Variants in KIF6 observed in about 807,000 individuals in gnomAD.
KIF6 encodes the protein kinesin family member 6, also known as kinesin-like protein KIF6.
KIF6 carries 106 observed loss-of-function variants against 112.7 expected under a neutral mutation model. The observed-to-expected ratio is 0.94, with a 90% confidence interval of 0.80 to 1.11. The LOEUF (loss-of-function observed/expected upper bound fraction) is 1.11. KIF6 is among the 50% of genes least tolerant of loss of function. The probability of loss-of-function intolerance (pLI) is 0.00; values close to 1 mark genes in which losing one functional copy is unlikely to be tolerated. For synonymous variants in KIF6, 339 were observed against 339.9 expected (o/e 1.00, Z 0.03); for missense variants, 929 against 964.0 (o/e 0.96, Z 0.48).
Position 39,433,902 on chromosome 6 carries a change from C to T in KIF6, c.1646-2741G>A, listed in dbSNP as rs150233438. On this transcript the variant is annotated intron_variant, in intron 13 of 22. Coordinates refer to ENST00000287152, the MANE Select transcript of KIF6 (RefSeq NM_145027.6). Reference sequence around the variant, plus strand: ...CTGCTTGTTCAGAGCTCATGCGCAGCTCCTTTGGATTGCACTAATATACCA... The same window carrying T: ...CTGCTTGTTCAGAGCTCATGCGCAGTTCCTTTGGATTGCACTAATATACCA... 7.6e-3 allele frequency among the ~76,000 whole-genome samples: 1,152 copies of T among 152,266 alleles called. 10 individuals are homozygous for T. The highest frequency in any genetic ancestry group is 0.027 in the Middle Eastern group (8 of 294).
intron 13 of KIF6, among the ~76,000 whole-genome samples, chr6:39,531,468 A>G (rs1426202683): frequency 6.6e-6 from 1 of 152,158 alleles, no homozygotes; most frequent in Non-Finnish European, 1.5e-5. Context: ...CTGGGCAGTG[A>G]TATCTGAGGC....
At chr6:39,611,239 T>C (rs1004718663) in intron 6 of KIF6, among the ~76,000 whole-genome samples, 2 of 151,964 alleles carry the variant, frequency 1.3e-5, no homozygotes, top group African/African-American at 4.8e-5. Flanking sequence ...ACCCGGGAGA[T>C]GGAGGTTTCA....
Position 39,648,027 on chromosome 6 carries a change from C to CTT in KIF6, c.252-8272_252-8271dup, listed in dbSNP as rs780247547. Among the ~76,000 whole-genome samples, 106 of 113,492 alleles carry CTT rather than the reference C, an allele frequency of 9.3e-4. 1 individual carries two copies. The highest frequency in any genetic ancestry group is 3.2e-3 in the African/African-American group (99 of 30,736). 74.5% of individuals were successfully genotyped at this position (113,492 alleles called of 152,430 possible). A position where few individuals can be genotyped will look rare whatever the true frequency, so the allele number is the denominator to read the frequency against. On this transcript the variant is annotated intron_variant, in intron 3 of 22. Coordinates refer to ENST00000287152, the MANE Select transcript of KIF6 (RefSeq NM_145027.6). ...AGCCCAGCTAATGTTTTTTAACTTTCTTTTTTTTTTTTTTGAGACAGAGTC... is the reference window on the plus strand; with the variant it reads ...AGCCCAGCTAATGTTTTTTAACTTTCTTTTTTTTTTTTTTTTGAGACAGAGTC...
intron 10 of KIF6, among the ~76,000 whole-genome samples, chr6:39,553,345 C>T (rs543896689): frequency 1.3e-5 from 2 of 152,276 alleles, no homozygotes; most frequent in Admixed American, 1.3e-4. Flanking sequence ...ATTTCCTTCA[C>T]CTCAACAAAA....
chr6:39,706,287 T>G (rs758177282), intron 3 of KIF6, among the ~76,000 whole-genome samples: 4 of 152,192 alleles, frequency 2.6e-5, no homozygotes, highest in Admixed American at 6.5e-5. Flanking sequence ...AAACCGAGAT[T>G]TAGGCTCACT....
intron 13 of KIF6, among the ~76,000 whole-genome samples, chr6:39,497,842 G>C (rs1350295125): frequency 6.6e-6 from 1 of 152,100 alleles, no homozygotes; most frequent in African/African-American, 2.4e-5. Flanking sequence ...TCATGTTTCT[G>C]TAAGTGAACA....
chr6:39,425,348 C>A (rs1391654734), intron 14 of KIF6, among the ~76,000 whole-genome samples: 1 of 152,150 alleles, frequency 6.6e-6, no homozygotes, highest in African/African-American at 2.4e-5. Flanking sequence ...GAAGACTGGG[C>A]CTATATTTTG....
intron 6 of KIF6, among the ~76,000 whole-genome samples, chr6:39,603,078 T>C (rs1782663913): frequency 6.6e-6 from 1 of 152,192 alleles, no homozygotes; most frequent in South Asian, 2.1e-4. Context: ...GTTATTGTAA[T>C]GAACTGTTTG....
At position 39,583,450 on chromosome 6, in the gene KIF6, G is replaced by C. The variant is rs1209129628; in HGVS notation, c.1077+1448C>G. The stretch of plus-strand genomic sequence containing the variant: ...GCCTCACTCATTGGTTTCTGCAGAA[G>C]AGAACTCCATCAGAGGAGCTTGGTG... On this transcript the variant is annotated intron_variant, in intron 9 of 22. Coordinates refer to ENST00000287152, the MANE Select transcript of KIF6 (RefSeq NM_145027.6). 4 of 471,654 alleles carry C rather than the reference G, an allele frequency of 8.5e-6. No homozygotes were observed. In the Admixed American group the frequency reaches 9.4e-5, roughly 11 times the overall value. 29.2% of individuals were successfully genotyped at this position (471,654 alleles called of 1,614,324 possible). A position where few individuals can be genotyped will look rare whatever the true frequency, so the allele number is the denominator to read the frequency against.
rs1454463132 is a variant in KIF6, at chr6:39,698,871, T to C, written c.251+15821A>G. Among the ~76,000 whole-genome samples the C allele has an allele frequency of 2.0e-5, 3 of 152,230 alleles. No individual in the cohort carries two copies. The East Asian group carries it at 5.8e-4, about 29-fold the overall frequency. ...CATGGCTCTATAATGGGAATTTTCA[T>C]TAATTAAAATCAATGGAAATACAAA... On this transcript the variant is annotated intron_variant, in intron 3 of 22. Coordinates refer to ENST00000287152, the MANE Select transcript of KIF6 (RefSeq NM_145027.6).
chr6:39,373,490 A>G lies in KIF6; in HGVS notation c.1862-10972T>C, dbSNP rs1000025014. Among the ~76,000 whole-genome samples, 3 of 152,320 alleles carry G rather than the reference A, an allele frequency of 2.0e-5. No homozygotes were observed. The East Asian group carries it at 5.8e-4, about 29-fold the overall frequency. The stretch of plus-strand genomic sequence containing the variant: ...GAAAACCCTAAAGACTCAACCAAAA[A>G]ACTTTTGGTTGATAAGTGAGTTCAG... On this transcript the variant is annotated intron_variant, in intron 16 of 22. Coordinates refer to ENST00000287152, the MANE Select transcript of KIF6 (RefSeq NM_145027.6).
chr6:39,548,395 G>A (rs755899747), intron 10 of KIF6, among the ~76,000 whole-genome samples: 1 of 152,198 alleles, frequency 6.6e-6, no homozygotes, highest in Non-Finnish European at 1.5e-5. Context: ...AAATGGGCAA[G>A]AACTTCTGCC....
chr6:39,713,908 G>A (rs1018423419), intron 3 of KIF6, among the ~76,000 whole-genome samples: 2 of 152,190 alleles, frequency 1.3e-5, no homozygotes, highest in African/African-American at 4.8e-5. Context: ...GTACTGATGA[G>A]CAGACTTGAA....
intron 13 of KIF6, among the ~76,000 whole-genome samples, chr6:39,432,024 C>G (rs1168896288): frequency 1.3e-5 from 2 of 152,026 alleles, no homozygotes; most frequent in African/African-American, 4.8e-5. Context: ...ATGTTTTCCT[C>G]CAGTAACTCT....
chr6:39,550,288 G>A (rs1779296034), intron 10 of KIF6, among the ~76,000 whole-genome samples: 1 of 152,174 alleles, frequency 6.6e-6, no homozygotes. Flanking sequence ...CTGTGGGAAA[G>A]TTGGGAGAAC....
intron 15 of KIF6, among the ~76,000 whole-genome samples, chr6:39,412,216 C>G (rs1769531380): frequency 6.6e-6 from 1 of 152,166 alleles, no homozygotes. Flanking sequence ...CAAACTATGA[C>G]AGCAAAACAT....
intron 10 of KIF6, among the ~76,000 whole-genome samples, chr6:39,562,551 A>C (rs144574772): frequency 2.0e-5 from 3 of 152,364 alleles, no homozygotes; most frequent in Non-Finnish European, 4.4e-5. Context: ...AGAAGGATTT[A>C]AGTTTAAGTC....
intron 13 of KIF6, among the ~76,000 whole-genome samples, chr6:39,451,053 C>A (rs1248643613): frequency 6.6e-6 from 1 of 152,144 alleles, no homozygotes; most frequent in African/African-American, 2.4e-5. Context: ...CTGGATTTTA[C>A]ATTGCTTTAT....
intron 6 of KIF6, among the ~76,000 whole-genome samples, chr6:39,598,265 T>A (rs1782385437): frequency 6.6e-6 from 1 of 151,998 alleles, no homozygotes. Flanking sequence ...AGAATATGAC[T>A]AGGTAACTCA....
Sources: allele counts gnomAD v4.1 joint callset (sites outside exome capture counted in the v4.1 genomes callset), GRCh38; gene constraint gnomAD v4.1.1; transcripts MANE v1.5; gene names NCBI Gene and HGNC (gene_info 2026-07-23, HGNC 2026-07-21).